KAZN: variants seen among roughly 807,000 people sequenced by gnomAD.
KAZN encodes the protein kazrin.
KAZN carries 40 observed loss-of-function variants against 87.4 expected under a neutral mutation model. That is an observed-to-expected ratio of 0.46 (90% CI 0.36 to 0.60). The LOEUF (loss-of-function observed/expected upper bound fraction) is 0.60. KAZN is among the 20% of genes least tolerant of loss of function. The pLI is 0.00. For synonymous variants in KAZN, 466 were observed against 458.3 expected, an observed-to-expected ratio of 1.02 and a Z score of -0.22; for missense variants, 898 against 1,073.9, an observed-to-expected ratio of 0.84 and a Z score of 2.29.
intron 2 of KAZN, among the ~76,000 whole-genome samples, chr1:14,552,466 T>C (rs1192746462): frequency 6.6e-6 from 1 of 152,122 alleles, no homozygotes; most frequent in Non-Finnish European, 1.5e-5. Context: ...AACTGCAGAG[T>C]GTGCCAACCT....
intron 2 of KAZN, among the ~76,000 whole-genome samples, chr1:14,196,207 G>A (rs552327292): frequency 4.7e-4 from 71 of 152,314 alleles, no homozygotes; most frequent in African/African-American, 1.7e-3. Flanking sequence ...GTAGAAGACA[G>A]GGCAAGGTAA....
intron 1 of KAZN, among the ~76,000 whole-genome samples, chr1:14,955,189 C>T (rs960454671): frequency 3.3e-5 from 5 of 152,248 alleles, no homozygotes; most frequent in Admixed American, 3.3e-4. Flanking sequence ...CCAACGGCAG[C>T]TTCTTTATTG....
chr1:13,943,059 T>C (rs958218655), intron 1 of KAZN, among the ~76,000 whole-genome samples: 3 of 152,174 alleles, frequency 2.0e-5, no homozygotes, highest in African/African-American at 7.2e-5. Context: ...TTTGAAGAGA[T>C]ACTGGCCAAG....
At chr1:14,969,256 T>C (rs1029619814) in intron 2 of KAZN, among the ~76,000 whole-genome samples, 2 of 152,256 alleles carry the variant, frequency 1.3e-5, no homozygotes, top group Non-Finnish European at 2.9e-5. Context: ...TTTGAAAAGC[T>C]ACTTGATGTT....
At chr1:14,325,684 A>C (rs1656360111) in intron 2 of KAZN, among the ~76,000 whole-genome samples, 1 of 152,240 alleles carries the variant, frequency 6.6e-6, no homozygotes, top group African/African-American at 2.4e-5. Flanking sequence ...AAAAGATCTA[A>C]GTAGGTAGAA....
rs770553963 is a variant in KAZN at position 15,021,806 on chromosome 1, T to G, written c.419-12943T>G. Among the ~76,000 whole-genome samples, 4 of 152,190 alleles carry G rather than the reference T, an allele frequency of 2.6e-5. No homozygotes were observed. Among genetic ancestry groups the G allele is most frequent in the Non-Finnish European group, 5.9e-5 (4 of 68,024 alleles). ...TCCAGCCCTTTCTCATTGGAAGCCC[T>G]GGCTCCTGGCATCTGTATGAGTTCG... On this transcript the variant is annotated intron_variant, in intron 2 of 14. Coordinates refer to ENST00000376030, the MANE Select transcript of KAZN (RefSeq NM_201628.3). The surrounding 1 kb of genome is among the most constrained non-coding windows in gnomAD (Gnocchi z 4.2).
intron 2 of KAZN, among the ~76,000 whole-genome samples, chr1:14,434,561 C>T (rs1257119877): frequency 6.6e-6 from 1 of 152,220 alleles, no homozygotes; most frequent in Non-Finnish European, 1.5e-5. Flanking sequence ...ATGCAGCAGG[C>T]CCTGGCTGCT....
chr1:14,021,796 A>G (rs1307065092), intron 1 of KAZN, among the ~76,000 whole-genome samples: 2 of 152,212 alleles, frequency 1.3e-5, no homozygotes, highest in African/African-American at 2.4e-5. Flanking sequence ...TGTAGGAGAT[A>G]GACTCTTTAT....
chr1:14,475,422 C>A (rs2148378874), intron 2 of KAZN, among the ~76,000 whole-genome samples: 1 of 152,236 alleles, frequency 6.6e-6, no homozygotes, highest in Middle Eastern at 3.4e-3. Context: ...TACACCAGTG[C>A]CCAGGACACA....
intron 1 of KAZN, among the ~76,000 whole-genome samples, chr1:14,834,761 A>G (rs1313025200): frequency 2.0e-5 from 3 of 152,188 alleles, no homozygotes; most frequent in African/African-American, 7.2e-5. Flanking sequence ...GAAAAAAGAA[A>G]AACAGTCAAA....
At chr1:14,144,665 C>T (rs1359172806) in intron 1 of KAZN, among the ~76,000 whole-genome samples, 5 of 152,138 alleles carry the variant, frequency 3.3e-5, no homozygotes, top group Admixed American at 2.0e-4. Flanking sequence ...GGTTACTTGG[C>T]TTATGATTCT....
intron 1 of KAZN, among the ~76,000 whole-genome samples, chr1:14,029,543 CT>C (rs1242796465): frequency 3.0e-5 from 4 of 135,418 alleles, no homozygotes; most frequent in African/African-American, 1.1e-4. Flanking sequence ...ACATGAAGTC[CT>C]TGCCCATGCC....
chr1:14,939,994 T>C (rs2101631281), intron 1 of KAZN, among the ~76,000 whole-genome samples: 1 of 152,276 alleles, frequency 6.6e-6, no homozygotes, highest in South Asian at 2.1e-4. Flanking sequence ...GGGAGGGGTC[T>C]GCCTCCCTCT....
chr1:15,010,454 A>G (rs1292251931), intron 2 of KAZN, among the ~76,000 whole-genome samples: 1 of 146,228 alleles, frequency 6.8e-6, no homozygotes, highest in East Asian at 2.0e-4. Flanking sequence ...GCAGTGGCGC[A>G]ATCTCGGTTC....
rs185189796 is a variant in KAZN, at chr1:14,388,395, C to G, written c.249+207803C>G. Among the ~76,000 whole-genome samples the G allele has an allele frequency of 3.1e-3, 472 of 152,240 alleles. 3 individuals carry two copies. Among genetic ancestry groups the G allele is most frequent in the African/African-American group, 0.011 (457 of 41,532 alleles). ...GGAACCACAAAAGACCCTGAATAGC[C>G]AAGGCTATCCTAAACAAAAAGAACA... On this transcript the variant is annotated intron_variant, in intron 2 of 16. Coordinates refer to the KAZN transcript ENST00000636203.
chr1:14,514,005 A>G (rs1349856063), intron 2 of KAZN, among the ~76,000 whole-genome samples: 2 of 151,710 alleles, frequency 1.3e-5, no homozygotes, highest in Admixed American at 1.3e-4. Context: ...TTTGAGGCAT[A>G]AGCACCAGCT....
chr1:14,988,710 C>T (rs889440294), intron 2 of KAZN, among the ~76,000 whole-genome samples: 4 of 152,220 alleles, frequency 2.6e-5, no homozygotes, highest in Non-Finnish European at 5.9e-5. Flanking sequence ...GATGCCCCCC[C>T]AGTTTACAAG....
At chr1:14,631,243 C>G (rs1679539471) in intron 1 of KAZN, among the ~76,000 whole-genome samples, 1 of 152,202 alleles carries the variant, frequency 6.6e-6, no homozygotes, top group Non-Finnish European at 1.5e-5. Flanking sequence ...GGCGGAGCTG[C>G]CACGGCCATC....
intron 2 of KAZN, among the ~76,000 whole-genome samples, chr1:15,014,010 C>T (rs961201097): frequency 6.6e-6 from 1 of 152,152 alleles, no homozygotes; most frequent in South Asian, 2.1e-4. Context: ...TAAGTGAACC[C>T]ATGGCCGAGA....
Sources: gnomAD v4.1 joint callset for allele counts (sites outside exome capture counted in the v4.1 genomes callset) on GRCh38, gnomAD v4.1.1 for gene constraint, Gnocchi (gnomAD v3.1) non-coding constraint, MANE v1.5 for transcripts, NCBI Gene and HGNC (gene_info 2026-07-23, HGNC 2026-07-21) for gene names.